Variants in SLC6A18 observed in about 807,000 individuals in gnomAD.
The protein encoded by SLC6A18 is solute carrier family 6 member 18.
A neutral mutation model predicts 62.9 loss-of-function variants in SLC6A18; 58 were observed. The ratio of observed to expected loss-of-function variants is 0.92; its 90% CI spans 0.75 to 1.15. The LOEUF (loss-of-function observed/expected upper bound fraction) is 1.15. SLC6A18 is among the 50% of genes most tolerant of loss of function. The pLI is 0.00. For missense variants in SLC6A18, 793 were observed against 836.6 expected, an observed-to-expected ratio of 0.95 and a Z score of 0.64; for synonymous variants, 382 against 365.8, an observed-to-expected ratio of 1.04 and a Z score of -0.51.
Position 1,234,469 on chromosome 5 carries a change from G to A in SLC6A18, c.440-1012G>A, listed in dbSNP as rs546271827. Among the ~76,000 whole-genome samples the A allele has an allele frequency of 1.4e-4, 22 of 152,354 alleles. No individual in the cohort carries two copies. In the East Asian group the frequency reaches 1.5e-3, roughly 11 times the overall value. ...CCCCAGTACAGGCTATCTGCAGCCC[G>A]AGTTCCTGGGTGATGGTTTGTGGGT... is the stretch of plus-strand genomic sequence containing the variant. On this transcript the variant is annotated intron_variant, in intron 3 of 11. Transcript: ENST00000324642.
intron 1 of SLC6A18, among the ~76,000 whole-genome samples, chr5:1,231,837 G>C (rs1018537360): frequency 5.9e-5 from 9 of 152,132 alleles, no homozygotes; most frequent in Non-Finnish European, 1.5e-5. Flanking sequence ...CCTTCCCACA[G>C]AGGCTGAGTC....
At chr5:1,236,572 A>T (rs1314458530) in intron 4 of SLC6A18, among the ~76,000 whole-genome samples, 1 of 152,178 alleles carries the variant, frequency 6.6e-6, no homozygotes, top group Non-Finnish European at 1.5e-5. Flanking sequence ...AAGCAAGAAG[A>T]GTTCTTACCC....
At position 1,235,512 on chromosome 5, in the gene SLC6A18, C is replaced by T. The variant is rs74919274; in HGVS notation, c.471C>T (p.Ala157=). 0.01 allele frequency: 16,472 copies of T among 1,613,998 alleles called. 116 individuals are homozygous for T. Among genetic ancestry groups the T allele is most frequent in the Middle Eastern group, 0.018 (109 of 6,062 alleles). The change falls in exon 4 of 12, where the codon GCC becomes GCT. Residue 157 remains alanine, a synonymous_variant. Transcript: ENST00000324642. ...TGGAGGAGTGCCAGGGCAGCAGCGCCGTGAGCTACTTCTGGTACCGGCAGA... is the reference window on the plus strand; with the variant it reads ...TGGAGGAGTGCCAGGGCAGCAGCGCTGTGAGCTACTTCTGGTACCGGCAGA... ...GFVEECQGSS[A]VSYFWYRQTL...
chr5:1,232,615 G>A (rs1746762512), intron 2 of SLC6A18, 136 bp from the exon 3 acceptor site: 39 of 1,298,626 alleles, frequency 3.0e-5, no homozygotes, highest in Non-Finnish European at 4.1e-5. Context: ...TGTGAGGTGT[G>A]AGGGAGGCCT....
Position 1,232,881 on chromosome 5 carries a change from C to A in SLC6A18, c.432C>A (p.Asn144Lys). ...GGAGCTCCTGCCCACCGGACCTCAA[C>A]AGAACAGGTGAGCTGGGCGCCGCCT... ...LPWSSCPPDL[N>K]RTGFVEECQG... The change falls in exon 3 of 12, where the codon AAC (asparagine) becomes AAA (lysine). Residue 144 changes from asparagine to lysine, a missense_variant. Transcript: ENST00000324642. 2 of 1,611,470 alleles carry A rather than the reference C, an allele frequency of 1.2e-6. No homozygotes were observed. The highest frequency in any genetic ancestry group is 1.7e-6 in the Non-Finnish European group (2 of 1,179,016).
chr5:1,234,010 G>A (rs895548028), intron 3 of SLC6A18, among the ~76,000 whole-genome samples: 1 of 152,092 alleles, frequency 6.6e-6, no homozygotes, highest in Non-Finnish European at 1.5e-5. Flanking sequence ...CAAAGTGCTG[G>A]GATTACAGGC....
chr5:1,228,548 G>A (rs1015258853), intron 1 of SLC6A18, among the ~76,000 whole-genome samples: 4 of 152,138 alleles, frequency 2.6e-5, no homozygotes, highest in Non-Finnish European at 5.9e-5. Flanking sequence ...TCTCGATCCT[G>A]CGTGGATCGA....
At chr5:1,230,919 G>C (rs1355580871) in intron 1 of SLC6A18, among the ~76,000 whole-genome samples, 1 of 152,130 alleles carries the variant, frequency 6.6e-6, no homozygotes, top group African/African-American at 2.4e-5. Context: ...ACGGTGACTC[G>C]CTTGGGGAAC....
At chr5:1,225,667 C>T in intron 1 of SLC6A18, 30 bp downstream of exon 1, 4 of 1,523,982 alleles carry the variant, frequency 2.6e-6, no homozygotes, top group Non-Finnish European at 3.5e-6. Flanking sequence ...CTGGGGCAGA[C>T]CCCTAAGCAG....
At chr5:1,244,184 A>AACCCCCCCC in intron 9 of SLC6A18, 30 bp from the exon 10 acceptor site, 1 of 752,222 alleles carries the variant, frequency 1.3e-6, no homozygotes, top group Non-Finnish European at 1.8e-6. Context: ...CCATCCCCTT[A>AACCCCCCCC]CCCCCCACAC....
chr5:1,228,776 G>A (rs1746646918), intron 1 of SLC6A18, among the ~76,000 whole-genome samples: 1 of 152,246 alleles, frequency 6.6e-6, no homozygotes, highest in Non-Finnish European at 1.5e-5. Context: ...GGAGGCTGAG[G>A]TGGAAGGATG....
chr5:1,228,351 G>T (rs1746636862), intron 1 of SLC6A18, among the ~76,000 whole-genome samples: 1 of 152,168 alleles, frequency 6.6e-6, no homozygotes, highest in South Asian at 2.1e-4. Context: ...GCGGCTCCCG[G>T]CTCGGTCTCC....
intron 3 of SLC6A18, among the ~76,000 whole-genome samples, chr5:1,233,125 G>A (rs550064620): frequency 3.9e-4 from 59 of 152,348 alleles, no homozygotes; most frequent in Admixed American, 3.2e-3. Flanking sequence ...CCGGACCACC[G>A]AGGTCCCCTT....
chr5:1,226,633 G>A lies in SLC6A18; in HGVS notation c.160+996G>A, dbSNP rs562102766. On this transcript the variant is annotated intron_variant, in intron 1 of 11. Transcript: ENST00000324642. ...ATGGAAAAAACAAAAAGAAACACCC[G>A]TCACTGCCACCCTCGGGGCACTGGG... 4.6e-5 allele frequency among the ~76,000 whole-genome samples: 7 copies of A among 152,266 alleles called. No individual in the cohort carries two copies. In the East Asian group the frequency reaches 9.6e-4, roughly 21 times the overall value.
rs565592061 is a variant in SLC6A18, at chr5:1,233,216, G to A, written c.439+328G>A. 1.9e-3 allele frequency among the ~76,000 whole-genome samples: 287 copies of A among 152,312 alleles called. 1 individual carries two copies. Among genetic ancestry groups the A allele is most frequent in the African/African-American group, 6.8e-3 (281 of 41,566 alleles). ...CGTTAGGTCGGACGCCGTGGCTCACGCTTGTCAACCCAGCACTTAGGGAGG... is the reference window on the plus strand; with the variant it reads ...CGTTAGGTCGGACGCCGTGGCTCACACTTGTCAACCCAGCACTTAGGGAGG... On this transcript the variant is annotated intron_variant, in intron 3 of 11. Coordinates refer to ENST00000324642, the MANE Select transcript of SLC6A18 (RefSeq NM_182632.3).
chr5:1,238,975 G>T (rs1458231892), intron 5 of SLC6A18, among the ~76,000 whole-genome samples: 1 of 152,216 alleles, frequency 6.6e-6, no homozygotes, highest in African/African-American at 2.4e-5. Context: ...GGGCTGGTGT[G>T]GGAGTGGGCA....
chr5:1,244,953 G>A (rs572686460), intron 11 of SLC6A18, among the ~76,000 whole-genome samples, 186 bp downstream of exon 11: 1 of 54,982 alleles, frequency 1.8e-5, no homozygotes, highest in African/African-American at 1.8e-4. Context: ...GCTTTGTGCA[G>A]CGCCCGAGTG....
chr5:1,226,846 G>C (rs1746582715), intron 1 of SLC6A18, among the ~76,000 whole-genome samples: 1 of 152,192 alleles, frequency 6.6e-6, no homozygotes, highest in Non-Finnish European at 1.5e-5. Context: ...CAAGGTTGTG[G>C]GGGCAGCAGG....
rs141229418 is a variant in SLC6A18 at position 1,243,493 on chromosome 5, C to CGT, written c.1132-52_1132-51dup. 2.8e-4 allele frequency: 422 copies of CGT among 1,529,366 alleles called. No homozygotes were observed. In the African/African-American group the frequency reaches 4.6e-3, roughly 17 times the overall value. The allele number at this position is 1,529,366 out of a possible 1,614,324, so 94.7% of individuals were successfully genotyped here. A position where few individuals can be genotyped will look rare whatever the true frequency, so the allele number is the denominator to read the frequency against. On this transcript the variant is annotated intron_variant, in intron 8 of 11. Coordinates refer to ENST00000324642, the MANE Select transcript of SLC6A18 (RefSeq NM_182632.3). The surrounding 1 kb of genome is among the most constrained non-coding windows in gnomAD (Gnocchi z 6.5). ...GGAGAGTGTGTGTCCTGCAGGCAGG[C>CGT]GTGTGTGTGTGGTGGAGTGTGTGTG...
Sources: allele counts gnomAD v4.1 joint callset (sites outside exome capture counted in the v4.1 genomes callset), GRCh38; gene constraint gnomAD v4.1.1; non-coding constraint Gnocchi (gnomAD v3.1); transcripts MANE v1.5; gene names NCBI Gene and HGNC (gene_info 2026-07-23, HGNC 2026-07-21).